TMPRSS3: variants seen among roughly 807,000 people sequenced by gnomAD.
The protein encoded by TMPRSS3 is transmembrane protease serine 3.
TMPRSS3 carries 55 observed loss-of-function variants against 59.6 expected under a neutral mutation model. The observed-to-expected ratio is 0.92, with a 90% confidence interval of 0.74 to 1.16. The LOEUF (loss-of-function observed/expected upper bound fraction) is 1.16. Among genes scored for constraint, TMPRSS3 ranks in the 50% most tolerant of loss-of-function variants. The pLI, the probability that TMPRSS3 is intolerant of heterozygous loss-of-function variation, is 0.00. For synonymous variants in TMPRSS3, 257 were observed against 237.7 expected, an observed-to-expected ratio of 1.08 and a Z score of -0.75; for missense variants, 596 against 579.4, an observed-to-expected ratio of 1.03 and a Z score of -0.29.
chr21:42,380,569 A>G (rs2052510300), intron 9 of TMPRSS3, among the ~76,000 whole-genome samples: 1 of 152,214 alleles, frequency 6.6e-6, no homozygotes, highest in South Asian at 2.1e-4. Context: ...AGGTACCCAC[A>G]TAGGTGTGGC....
intron 2 of TMPRSS3, among the ~76,000 whole-genome samples, chr21:42,391,510 T>G (rs964649549): frequency 6.6e-6 from 1 of 152,184 alleles, no homozygotes; most frequent in African/African-American, 2.4e-5. Context: ...ACTGTCCAGT[T>G]TAACAAATAT....
chr21:42,395,396 C>T lies in TMPRSS3; in HGVS notation c.22G>A (p.Ala8Thr), dbSNP rs1349939030. ...CGGAATGAGAAGGGGGCTTCAACAG[C>T]AGGCGGATCATTTTCCCCCATGGTG... is the stretch of plus-strand genomic sequence containing the variant. MGENDPP[A>T]VEAPFSFRSL... The change falls in exon 2 of 13, where the codon GCT (alanine) becomes ACT (threonine). Residue 8 changes from alanine (A) to threonine (T), a missense_variant. Physicochemically the swap from Ala to Thr is moderately conservative, Grantham distance 58. Coordinates refer to ENST00000644384, the MANE Select transcript of TMPRSS3 (RefSeq NM_001256317.3). 6.2e-7 allele frequency: 1 copy of T among 1,614,192 alleles called. No individual in the cohort carries two copies. The highest frequency in any genetic ancestry group is 8.5e-7 in the Non-Finnish European group (1 of 1,180,028).
chr21:42,382,228 G>A lies in TMPRSS3; in HGVS notation c.789C>T (p.Tyr263=), dbSNP rs147181936. The A allele has an allele frequency of 1.7e-4, 275 of 1,614,150 alleles. No individual in the cohort carries two copies. Among genetic ancestry groups the A allele is most frequent in the Middle Eastern group, 5.0e-4 (3 of 6,058 alleles). ...CCTGGATGGTCCATGACTTGGGGAGGTACAAGCTGAAATGAGAAGAGCAAG... is the reference window on the plus strand; with the variant it reads ...CCTGGATGGTCCATGACTTGGGGAGATACAAGCTGAAATGAGAAGAGCAAG... ...ITAAHCVYDL[Y]LPKSWTIQVG... The change falls in exon 9 of 13, where the codon TAC becomes TAT. Residue 263 remains tyrosine, a synonymous_variant. Transcript: ENST00000644384.
chr21:42,385,565 G>T (rs139786618), intron 5 of TMPRSS3, 31 bp from the exon 6 acceptor site: 2 of 1,613,548 alleles, frequency 1.2e-6, no homozygotes, highest in Non-Finnish European at 1.7e-6. Flanking sequence ...CAGACCCGAC[G>T]TGGTAACTTT....
chr21:42,374,905 T>C (rs2052395012), intron 12 of TMPRSS3, among the ~76,000 whole-genome samples: 1 of 152,072 alleles, frequency 6.6e-6, no homozygotes, highest in Admixed American at 6.6e-5. Context: ...GGAGGGCCTG[T>C]GCGCACTGTT....
chr21:42,388,309 G>T lies in TMPRSS3; in HGVS notation c.446+94C>A. 6.4e-7 allele frequency: 1 copy of T among 1,553,554 alleles called. No individual in the cohort carries two copies. The highest frequency in any genetic ancestry group is 8.9e-7 in the Non-Finnish European group (1 of 1,126,146). On this transcript the variant is annotated intron_variant, in intron 5 of 12. Coordinates refer to ENST00000644384, the MANE Select transcript of TMPRSS3 (RefSeq NM_001256317.3). The surrounding 1 kb of genome is among the most constrained non-coding windows in gnomAD (Gnocchi z 5.1). ...GAGGATGTAATCTGAGAGCGTTAAA[G>T]CACCCAATAGTGCCCAACTAAATGG...
intron 9 of TMPRSS3, among the ~76,000 whole-genome samples, chr21:42,380,435 G>A (rs768779248): frequency 4.6e-5 from 7 of 152,156 alleles, no homozygotes; most frequent in East Asian, 1.9e-4. Flanking sequence ...CCGTCGCAGC[G>A]TGAGGGAACC....
chr21:42,377,104 A>G (rs1273470538), intron 10 of TMPRSS3, among the ~76,000 whole-genome samples: 1 of 152,258 alleles, frequency 6.6e-6, no homozygotes, highest in Non-Finnish European at 1.5e-5. Context: ...TGGGATGGTC[A>G]GCAGAAAAAT....
At chr21:42,389,876 A>T (rs370489192) in intron 3 of TMPRSS3, 51 bp downstream of exon 3, 6 of 1,398,060 alleles carry the variant, frequency 4.3e-6, no homozygotes, top group Non-Finnish European at 6.1e-6. Flanking sequence ...ATGAAAGTTT[A>T]ACTACTTGGC....
chr21:42,372,764 A>G lies in TMPRSS3; in HGVS notation c.1360T>C (p.Ter454ArgextTer9), dbSNP rs149919890. 271 of 1,613,924 alleles carry G rather than the reference A, an allele frequency of 1.7e-4. No individual in the cohort carries two copies. In the African/African-American group the frequency reaches 3.2e-3, roughly 19 times the overall value. Residue 454 changes from the stop codon to arginine (R), a stop_lost, in exon 13 of 13, where the codon TGA becomes CGA. Coordinates refer to ENST00000644384, the MANE Select transcript of TMPRSS3 (RefSeq NM_001256317.3). ...HEQMERDLKT[*>R] Reference sequence around the variant, plus strand: ...GTGGCTACTTGTCCCCTTCCTCTTCAGGTTTTTAGGTCTCTCTATAAATGA... The same window carrying G: ...GTGGCTACTTGTCCCCTTCCTCTTCGGGTTTTTAGGTCTCTCTATAAATGA...
intron 12 of TMPRSS3, among the ~76,000 whole-genome samples, chr21:42,374,625 T>C (rs1219233483): frequency 6.6e-6 from 1 of 152,084 alleles, no homozygotes; most frequent in Non-Finnish European, 1.5e-5. Flanking sequence ...GTGCCGCGTG[T>C]CTTTTGGGAG....
In TMPRSS3 at chr21:42,372,337, A is replaced by G. The variant is rs1376928516; in HGVS notation, c.*425T>C. 10 of 456,348 alleles carry G rather than the reference A, an allele frequency of 2.2e-5. No individual in the cohort carries two copies. The highest frequency in any genetic ancestry group is 3.9e-5 in the Non-Finnish European group (9 of 228,410). 28.3% of individuals were successfully genotyped at this position (456,348 alleles called of 1,614,324 possible). A position where few individuals can be genotyped will look rare whatever the true frequency, so the allele number is the denominator to read the frequency against. On this transcript the variant is annotated 3_prime_UTR_variant, in exon 13 of 13. Transcript: ENST00000644384. ...CACTGTGGGAGGCTGAAGCAGGCACATCATTTGAGGTCAGGGGTTTGAGAG... is the reference window on the plus strand; with the variant it reads ...CACTGTGGGAGGCTGAAGCAGGCACGTCATTTGAGGTCAGGGGTTTGAGAG...
At chr21:42,383,261 A>C in intron 7 of TMPRSS3, 63 bp from the exon 8 acceptor site, 3 of 1,522,546 alleles carry the variant, frequency 2.0e-6, no homozygotes, top group African/African-American at 1.4e-5. Flanking sequence ...ACATGGTGTC[A>C]CCACCATGCA....
intron 12 of TMPRSS3, among the ~76,000 whole-genome samples, chr21:42,374,053 G>A (rs890193501): frequency 2.0e-5 from 3 of 152,132 alleles, no homozygotes; most frequent in Non-Finnish European, 2.9e-5. Context: ...CTCCTTTCCT[G>A]CCCTTTGCCC....
At position 42,376,854 on chromosome 21, in the gene TMPRSS3, C is replaced by T. The variant is rs568897245; in HGVS notation, c.1049-171G>A. On this transcript the variant is annotated intron_variant, in intron 10 of 12. Coordinates refer to ENST00000644384, the MANE Select transcript of TMPRSS3 (RefSeq NM_001256317.3). The stretch of plus-strand genomic sequence containing the variant: ...CCTGCGGGTGGGACGAGCAGACTCC[C>T]ACTGTCTCGAAGCACCTCAAGCCCG... 2.2e-3 allele frequency among the ~76,000 whole-genome samples: 338 copies of T among 152,304 alleles called. 1 individual carries two copies. Among genetic ancestry groups the T allele is most frequent in the African/African-American group, 8.0e-3 (331 of 41,550 alleles).
chr21:42,395,285 T>G, intron 2 of TMPRSS3, 39 bp downstream of exon 2: 1 of 1,548,560 alleles, frequency 6.5e-7, no homozygotes, highest in South Asian at 1.1e-5. Flanking sequence ...CATGAGGGTA[T>G]GGGCAGAAAT....
chr21:42,383,447 G>A, intron 7 of TMPRSS3: 2 of 587,414 alleles, frequency 3.4e-6, no homozygotes, highest in Non-Finnish European at 3.0e-6. Flanking sequence ...CTTGGTCAGT[G>A]CCCAGCATTG....
At position 42,373,824 on chromosome 21, in the gene TMPRSS3, C is replaced by T. The variant is rs139784722; in HGVS notation, c.1345-1045G>A. 3.1e-3 allele frequency among the ~76,000 whole-genome samples: 476 copies of T among 152,274 alleles called. 2 individuals carry two copies. Among genetic ancestry groups the T allele is most frequent in the Middle Eastern group, 6.8e-3 (2 of 294 alleles). On this transcript the variant is annotated intron_variant, in intron 12 of 12. Transcript: ENST00000644384. ...GACATGGGAGGGGCTGAGGTGGCCC[C>T]GTCATGGAACCGTTGTGAGCGGGCT...
intron 2 of TMPRSS3, among the ~76,000 whole-genome samples, chr21:42,394,288 C>G (rs576258888): frequency 6.6e-6 from 1 of 152,054 alleles, no homozygotes; most frequent in African/African-American, 2.4e-5. Context: ...AAACTATGAT[C>G]AAATGGCTGT....
Sources: allele counts gnomAD v4.1 joint callset (sites outside exome capture counted in the v4.1 genomes callset), GRCh38; gene constraint gnomAD v4.1.1; non-coding constraint Gnocchi (gnomAD v3.1); transcripts MANE v1.5; gene names NCBI Gene and HGNC (gene_info 2026-07-23, HGNC 2026-07-21).